ZNF730: variants seen among roughly 807,000 people sequenced by gnomAD.
ZNF730 encodes zinc finger protein 730.
A neutral mutation model predicts 12.6 loss-of-function variants in ZNF730; 12 were observed. That is an observed-to-expected ratio of 0.95 (90% CI 0.61 to 1.54). The LOEUF is 1.54. Among genes scored for constraint, ZNF730 ranks in the 40% most tolerant of loss-of-function variants. The pLI is 0.00. For missense variants in ZNF730, 643 were observed against 583.5 expected (o/e 1.10, Z -1.05); for synonymous variants, 194 against 195.8 (o/e 0.99, Z 0.08).
intron 3 of ZNF730, among the ~76,000 whole-genome samples, chr19:23,142,119 T>C (rs1005253698): frequency 6.6e-6 from 1 of 152,204 alleles, no homozygotes; most frequent in African/African-American, 2.4e-5. Context: ...AGGTTCCCAG[T>C]GAATAAATCT....
chr19:23,079,508 C>A (rs1169269343), intron 1 of ZNF730, among the ~76,000 whole-genome samples: 1 of 152,178 alleles, frequency 6.6e-6, no homozygotes, highest in African/African-American at 2.4e-5. Flanking sequence ...CTTAAATTCA[C>A]AATCTACTTA....
rs1568306353 is a variant in ZNF730 at position 23,102,055 on chromosome 19, CTGGGCCT to C, written c.-94+26671_-94+26677del. ...ACACCTGTAAAATAGAGGCTCCTCC[CTGGGCCT>C]TGTCTACAGAGGGCCTTGTGACATA... On this transcript the variant is annotated intron_variant, in intron 1 of 2. Transcript: ENST00000593635. Among the ~76,000 whole-genome samples the C allele has an allele frequency of 7.9e-5, 12 of 152,300 alleles. No individual in the cohort carries two copies. The South Asian group carries it at 2.5e-3, about 32-fold the overall frequency.
chr19:23,143,280 G>C (rs1162887314), intron 3 of ZNF730, among the ~76,000 whole-genome samples: 1 of 151,794 alleles, frequency 6.6e-6, no homozygotes, highest in East Asian at 1.9e-4. Flanking sequence ...TTTTTGGTTT[G>C]GTAAAAAATT....
At chr19:23,108,825 C>G (rs1970426145) in intron 1 of ZNF730, among the ~76,000 whole-genome samples, 1 of 152,168 alleles carries the variant, frequency 6.6e-6, no homozygotes, top group Non-Finnish European at 1.5e-5. Flanking sequence ...TCTTGGCTCA[C>G]TGCAACCTCT....
At position 23,146,587 on chromosome 19, in the gene ZNF730, CA is replaced by C. The variant is rs770002453; in HGVS notation, c.*33del. The C allele has an allele frequency of 1.3e-6, 2 of 1,586,422 alleles. No individual in the cohort carries two copies. Among genetic ancestry groups the C allele is most frequent in the Admixed American group, 1.7e-5 (1 of 57,522 alleles). On this transcript the variant is annotated 3_prime_UTR_variant, in exon 4 of 4. Transcript: ENST00000597761. ...TAAAGACTGTGGCAAAGCTTTTAAA[CA>C]ATCTTTATACCTTACTACACATAAG... is the stretch of plus-strand genomic sequence containing the variant.
intron 1 of ZNF730, chr19:23,126,576 T>C: frequency 2.3e-6 from 1 of 437,666 alleles, no homozygotes; most frequent in South Asian, 2.0e-5. Flanking sequence ...GGCTTATGTG[T>C]CTCCGTTTAG....
chr19:23,127,424 T>C (rs1970684299), intron 1 of ZNF730: 10 of 1,044,042 alleles, frequency 9.6e-6, no homozygotes, highest in Admixed American at 2.0e-5. Flanking sequence ...CTGTTTCATC[T>C]TTGTGAATTC....
intron 1 of ZNF730, among the ~76,000 whole-genome samples, chr19:23,120,416 C>T (rs536762826): frequency 6.6e-6 from 1 of 151,848 alleles, no homozygotes; most frequent in East Asian, 1.9e-4. Context: ...ATGGATTTTT[C>T]CAGAAATTTA....
intron 1 of ZNF730, among the ~76,000 whole-genome samples, chr19:23,083,423 C>G (rs1364344880): frequency 6.6e-6 from 1 of 152,042 alleles, no homozygotes; most frequent in Non-Finnish European, 1.5e-5. Context: ...GACTCCATCT[C>G]AAAGAAAGAA....
chr19:23,133,336 G>GT (rs554836444), intron 1 of ZNF730, among the ~76,000 whole-genome samples: 8,123 of 151,564 alleles, frequency 0.054, 241 homozygotes, highest in Middle Eastern at 0.088. Context: ...TGTTTTTTTT[G>GT]TTTTTTTTTT....
chr19:23,127,039 C>CT, intron 1 of ZNF730: 2 of 516,978 alleles, frequency 3.9e-6, no homozygotes, highest in East Asian at 1.1e-4. Flanking sequence ...GTTCCTAAAG[C>CT]ATATAATGAA....
chr19:23,128,229 C>G, intron 1 of ZNF730: 1 of 742,772 alleles, frequency 1.3e-6, no homozygotes. Flanking sequence ...ATTCTGAAAG[C>G]AAGGACTTTA....
chr19:23,099,100 C>A (rs1970297572), intron 1 of ZNF730, among the ~76,000 whole-genome samples: 1 of 152,090 alleles, frequency 6.6e-6, no homozygotes, highest in Non-Finnish European at 1.5e-5. Context: ...AGGGACAGAA[C>A]CCACGGAGGA....
At chr19:23,097,538 C>T (rs2145515287) in intron 1 of ZNF730, among the ~76,000 whole-genome samples, 1 of 152,182 alleles carries the variant, frequency 6.6e-6, no homozygotes, top group Admixed American at 6.5e-5. Flanking sequence ...ATTGCAGTGC[C>T]CAGCACCAAT....
At chr19:23,079,921 A>G (rs757865175) in intron 1 of ZNF730, among the ~76,000 whole-genome samples, 2 of 152,092 alleles carry the variant, frequency 1.3e-5, no homozygotes, top group African/African-American at 2.4e-5. Context: ...TCATTATTGT[A>G]GTATTTGTCA....
chr19:23,106,261 A>G (rs1182939122), intron 1 of ZNF730, among the ~76,000 whole-genome samples: 1 of 152,150 alleles, frequency 6.6e-6, no homozygotes, highest in East Asian at 1.9e-4. Context: ...AAGAATAACA[A>G]AAAGTAGTAG....
Position 23,079,314 on chromosome 19 carries a change from C to T in ZNF730, c.-94+3927C>T, listed in dbSNP as rs189217938. 1.2e-4 allele frequency among the ~76,000 whole-genome samples: 19 copies of T among 152,130 alleles called. No individual in the cohort carries two copies. The East Asian group carries it at 2.1e-3, about 17-fold the overall frequency. On this transcript the variant is annotated intron_variant, in intron 1 of 2. Coordinates refer to the ZNF730 transcript ENST00000593635. ...CTAGGATTACAGGCATGCGCCACCA[C>T]GCCCAGCTTATTTTGTATTTTTAGT...
At chr19:23,109,199 A>G (rs1970431387) in intron 1 of ZNF730, among the ~76,000 whole-genome samples, 1 of 152,134 alleles carries the variant, frequency 6.6e-6, no homozygotes, top group Admixed American at 6.6e-5. Flanking sequence ...TAATATTTTA[A>G]TAAATGTTAT....
At chr19:23,144,584 C>T (rs982235278) in intron 3 of ZNF730, among the ~76,000 whole-genome samples, 2 of 150,256 alleles carry the variant, frequency 1.3e-5, no homozygotes, top group Admixed American at 6.7e-5. Context: ...CCTGTAGTCC[C>T]ACCTACTTGG....
Sources: allele counts gnomAD v4.1 joint callset (sites outside exome capture counted in the v4.1 genomes callset), GRCh38; gene constraint gnomAD v4.1.1; transcripts MANE v1.5; gene names NCBI Gene and HGNC (gene_info 2026-07-23, HGNC 2026-07-21).